The following FHIT variants were observed in gnomAD, a reference collection of about 807,000 sequenced individuals.
FHIT encodes bis(5'-adenosyl)-triphosphatase.
A neutral mutation model predicts 17.9 loss-of-function variants in FHIT; 19 were observed. That is an observed-to-expected ratio of 1.06 (90% confidence interval 0.74 to 1.56). FHIT has a LOEUF of 1.56. FHIT is among the 40% of genes most tolerant of loss of function. The pLI, the probability that FHIT is intolerant of heterozygous loss-of-function variation, is 0.00. For missense variants in FHIT, 248 were observed against 189.2 expected (o/e 1.31, Z -1.82); for synonymous variants, 81 against 69.7 (o/e 1.16, Z -0.81).
chr3:60,620,304 CA>C (rs2039084142), intron 4 of FHIT, among the ~76,000 whole-genome samples: 1 of 152,130 alleles, frequency 6.6e-6, no homozygotes, highest in Non-Finnish European at 1.5e-5. Flanking sequence ...GGTATTTACC[CA>C]AAGTAGTTGA....
chr3:60,947,743 A>G (rs2107445535), intron 3 of FHIT, among the ~76,000 whole-genome samples: 1 of 152,324 alleles, frequency 6.6e-6, no homozygotes, highest in South Asian at 2.1e-4. Context: ...ATCTGCACCC[A>G]CCAACCTAGT....
At chr3:59,827,170 G>A (rs1014324781) in intron 8 of FHIT, among the ~76,000 whole-genome samples, 27 of 152,084 alleles carry the variant, frequency 1.8e-4, no homozygotes, top group Non-Finnish European at 1.8e-4. Context: ...TGTTACCTGC[G>A]GTCAGCATCT....
intron 8 of FHIT, among the ~76,000 whole-genome samples, chr3:59,863,998 C>T (rs1284215984): frequency 1.3e-5 from 2 of 152,156 alleles, no homozygotes; most frequent in African/African-American, 4.8e-5. Flanking sequence ...AGATATGATC[C>T]CATTCTAGGT....
At chr3:60,602,894 C>A (rs2856028) in intron 4 of FHIT, among the ~76,000 whole-genome samples, 138,909 of 152,160 alleles carry the variant, frequency 0.91, 63,522 homozygotes, top group African/African-American at 0.96. Flanking sequence ...ACCATCTACT[C>A]ATGAGAAAGC....
intron 5 of FHIT, among the ~76,000 whole-genome samples, chr3:60,083,389 G>C (rs1703369541): frequency 6.6e-6 from 1 of 152,110 alleles, no homozygotes; most frequent in Non-Finnish European, 1.5e-5. Flanking sequence ...CAGATAACAT[G>C]ATACCTCTGG....
intron 5 of FHIT, among the ~76,000 whole-genome samples, chr3:60,203,906 T>C (rs1406686201): frequency 6.6e-6 from 1 of 151,860 alleles, no homozygotes; most frequent in Non-Finnish European, 1.5e-5. Flanking sequence ...ATTGAACTTG[T>C]GAAGACAGAG....
chr3:59,877,468 G>A (rs1186907079), intron 8 of FHIT, among the ~76,000 whole-genome samples: 1 of 152,140 alleles, frequency 6.6e-6, no homozygotes, highest in African/African-American at 2.4e-5. Context: ...ATAACAAGCA[G>A]GAAGGCCCAG....
intron 5 of FHIT, among the ~76,000 whole-genome samples, chr3:60,125,509 G>T (rs139643508): frequency 1.3e-5 from 2 of 151,680 alleles, no homozygotes; most frequent in African/African-American, 4.9e-5. Context: ...GTGCATGCCT[G>T]TAATCCCAGC....
At chr3:60,870,321 T>C (rs1704355446) in intron 3 of FHIT, among the ~76,000 whole-genome samples, 1 of 151,988 alleles carries the variant, frequency 6.6e-6, no homozygotes, top group Non-Finnish European at 1.5e-5. Flanking sequence ...ATTAACATGT[T>C]TATGGGTAGA....
intron 5 of FHIT, among the ~76,000 whole-genome samples, chr3:60,014,675 CA>C (rs1209632060): frequency 6.6e-6 from 1 of 152,110 alleles, no homozygotes; most frequent in Non-Finnish European, 1.5e-5. Flanking sequence ...AGAGTATAGA[CA>C]TTCTGAAAAT....
chr3:60,896,072 G>C (rs1415948880), intron 3 of FHIT, among the ~76,000 whole-genome samples: 1 of 151,954 alleles, frequency 6.6e-6, no homozygotes, highest in East Asian at 1.9e-4. Context: ...AGATTCTCAT[G>C]GCAACATTAA....
intron 5 of FHIT, among the ~76,000 whole-genome samples, chr3:60,236,836 T>C (rs939657958): frequency 6.6e-6 from 1 of 152,196 alleles, no homozygotes; most frequent in Non-Finnish European, 1.5e-5. Context: ...ATCTTTATTA[T>C]CAGTTTCAGA....
intron 8 of FHIT, among the ~76,000 whole-genome samples, chr3:59,854,316 G>A (rs533336699): frequency 2.8e-4 from 43 of 152,266 alleles, no homozygotes; most frequent in African/African-American, 9.1e-4. Flanking sequence ...TCTGCCACAC[G>A]TGTCACTGAA....
At chr3:60,105,948 C>T (rs936202316) in intron 5 of FHIT, among the ~76,000 whole-genome samples, 3 of 152,144 alleles carry the variant, frequency 2.0e-5, no homozygotes, top group Non-Finnish European at 4.4e-5. Flanking sequence ...CCTTGGTTAA[C>T]CATGGTCCAA....
At chr3:60,092,495 G>A (rs112234551) in intron 5 of FHIT, among the ~76,000 whole-genome samples, 1 of 152,184 alleles carries the variant, frequency 6.6e-6, no homozygotes, top group Non-Finnish European at 1.5e-5. Flanking sequence ...CTACATTAAG[G>A]TCTGGCTTTT....
In FHIT at chr3:61,112,342, A is replaced by G. The variant is rs1469357762; in HGVS notation, c.-163-70243T>C. Reference sequence around the variant, plus strand: ...AAAAATGGGACAGGAGACCACCCCCAGAAAGACAGGCGGCCCCAGTTTCAA... The same window carrying G: ...AAAAATGGGACAGGAGACCACCCCCGGAAAGACAGGCGGCCCCAGTTTCAA... On this transcript the variant is annotated intron_variant, in intron 2 of 9. Transcript: ENST00000492590. Among the ~76,000 whole-genome samples the G allele has an allele frequency of 4.0e-5, 6 of 151,824 alleles. No individual in the cohort carries two copies. In the East Asian group the frequency reaches 1.2e-3, roughly 30 times the overall value.
At chr3:61,140,215 T>G (rs577688991) in intron 2 of FHIT, among the ~76,000 whole-genome samples, 5 of 152,298 alleles carry the variant, frequency 3.3e-5, no homozygotes, top group Non-Finnish European at 7.3e-5. Context: ...GTGATACCTA[T>G]CTTATTGGAT....
In FHIT at chr3:60,046,593, C is replaced by T. The variant is rs188157164; in HGVS notation, c.104-32441G>A. ...GGAAAAATAAAAAAGACAAACAGAGCTAGCCTCTGACTGAGAAAGGACACC... is the reference window on the plus strand; with the variant it reads ...GGAAAAATAAAAAAGACAAACAGAGTTAGCCTCTGACTGAGAAAGGACACC... On this transcript the variant is annotated intron_variant, in intron 5 of 9. Transcript: ENST00000492590. 1.8e-3 allele frequency among the ~76,000 whole-genome samples: 275 copies of T among 152,306 alleles called. 5 individuals carry two copies. The highest frequency in any genetic ancestry group is 4.7e-3 in the Admixed American group (72 of 15,292).
chr3:59,973,188 C>G (rs141092801), intron 7 of FHIT, among the ~76,000 whole-genome samples: 348 of 152,210 alleles, frequency 2.3e-3, no homozygotes, highest in African/African-American at 7.9e-3. Context: ...TATCCACTCG[C>G]ATTTCCTCTA....
Sources: gnomAD v4.1 joint callset for allele counts (sites outside exome capture counted in the v4.1 genomes callset) on GRCh38, gnomAD v4.1.1 for gene constraint, MANE v1.5 for transcripts, NCBI Gene and HGNC (gene_info 2026-07-23, HGNC 2026-07-21) for gene names.